SERGEF: variants seen among roughly 807,000 people sequenced by gnomAD.
SERGEF encodes secretion regulating guanine nucleotide exchange factor.
Under a neutral mutation model 50.0 loss-of-function variants are expected in SERGEF, and 51 were observed. The ratio of observed to expected loss-of-function variants is 1.02; its 90% CI spans 0.81 to 1.29. The LOEUF is 1.29. SERGEF is among the 50% of genes most tolerant of loss of function. The pLI, the probability that SERGEF is intolerant of heterozygous loss-of-function variation, is 0.00. For missense variants in SERGEF, 521 were observed against 557.0 expected, an observed-to-expected ratio of 0.94 and a Z score of 0.65; for synonymous variants, 205 against 212.4, an observed-to-expected ratio of 0.97 and a Z score of 0.30.
chr11:17,819,778 C>T (rs1267262322), intron 10 of SERGEF, among the ~76,000 whole-genome samples: 2 of 152,218 alleles, frequency 1.3e-5, no homozygotes, highest in Non-Finnish European at 2.9e-5. Context: ...CCTCACACAT[C>T]AAAGAACCAG....
chr11:17,897,324 C>A (rs1210393888), intron 9 of SERGEF, among the ~76,000 whole-genome samples: 1 of 152,166 alleles, frequency 6.6e-6, no homozygotes, highest in East Asian at 1.9e-4. Flanking sequence ...AGGTAAGAAT[C>A]CAGTCCAGCT....
intron 10 of SERGEF, among the ~76,000 whole-genome samples, chr11:17,796,959 G>C (rs1287648778): frequency 6.6e-6 from 1 of 152,168 alleles, no homozygotes; most frequent in East Asian, 1.9e-4. Context: ...AGGAGTAGAT[G>C]GGGGGTGAGG....
At chr11:17,972,927 C>T (rs1055131731) in intron 8 of SERGEF, among the ~76,000 whole-genome samples, 9 of 152,046 alleles carry the variant, frequency 5.9e-5, no homozygotes, top group Admixed American at 5.9e-4. Context: ...GAACTGCCAT[C>T]CCTAATTCTG....
intron 9 of SERGEF, among the ~76,000 whole-genome samples, chr11:17,958,964 G>T (rs866601721): frequency 7.9e-5 from 12 of 152,102 alleles, no homozygotes; most frequent in African/African-American, 2.4e-4. Context: ...TGCCTCCTGA[G>T]TTCAAGCAAT....
In SERGEF at chr11:17,988,714, G is replaced by T; in HGVS notation, c.727C>A (p.Gln243Lys). The stretch of plus-strand genomic sequence containing the variant: ...AGGAAAGCAGCCTCATTAGCCAGTT[G>T]CCCATGCTTGTTGCTTCCCCAAACA... ...VYVWGSNKHG[Q>K]LANEAAFLPV... Residue 243 changes from glutamine (Q) to lysine (K), a missense_variant, in exon 8 of 11, where the codon CAA (glutamine) becomes AAA (lysine). Physicochemically the swap from Gln to Lys is moderately conservative, Grantham distance 53. Transcript: ENST00000265965. 6.2e-7 allele frequency: 1 copy of T among 1,614,052 alleles called. No homozygotes were observed. Among genetic ancestry groups the T allele is most frequent in the Non-Finnish European group, 8.5e-7 (1 of 1,179,962 alleles).
At chr11:17,938,000 C>T (rs1049973794) in intron 9 of SERGEF, among the ~76,000 whole-genome samples, 1 of 152,188 alleles carries the variant, frequency 6.6e-6, no homozygotes, top group Non-Finnish European at 1.5e-5. Context: ...AGGGGAACAA[C>T]CCTAGCAGTC....
At chr11:17,941,470 C>T (rs890323709) in intron 9 of SERGEF, among the ~76,000 whole-genome samples, 4 of 152,270 alleles carry the variant, frequency 2.6e-5, no homozygotes, top group African/African-American at 9.6e-5. Context: ...GATTCCCTTC[C>T]TTTTTAAGAC....
intron 8 of SERGEF, among the ~76,000 whole-genome samples, chr11:17,987,807 T>C (rs767924343): frequency 6.6e-6 from 1 of 152,152 alleles, no homozygotes; most frequent in Admixed American, 6.5e-5. Context: ...TGTGTGTAGC[T>C]AGCAAGCAGG....
rs560011309 is a variant in SERGEF, at chr11:17,997,352, GCTA to G, written c.509-1446_509-1444del. Among the ~76,000 whole-genome samples, 13 of 152,292 alleles carry G rather than the reference GCTA, an allele frequency of 8.5e-5. 1 individual carries two copies. The South Asian group carries it at 2.7e-3, about 32-fold the overall frequency. Reference sequence around the variant, plus strand: ...GATATCACCTCATACACATTTTGATGCTACTATTTTTAAAAACCAGAAAATAAC... The same window carrying G: ...GATATCACCTCATACACATTTTGATGCTATTTTTAAAAACCAGAAAATAAC... On this transcript the variant is annotated intron_variant, in intron 5 of 10. Coordinates refer to ENST00000265965, the MANE Select transcript of SERGEF (RefSeq NM_012139.4).
intron 8 of SERGEF, among the ~76,000 whole-genome samples, chr11:17,966,888 T>C (rs1446486655): frequency 6.6e-6 from 1 of 152,350 alleles, no homozygotes; most frequent in East Asian, 1.9e-4. Flanking sequence ...AAAACTGCTT[T>C]AGGCACTATC....
intron 10 of SERGEF, chr11:17,855,187 A>G (rs999933534): frequency 6.6e-6 from 1 of 152,190 alleles, no homozygotes; most frequent in South Asian, 2.1e-4. Context: ...ACAACCTCAG[A>G]AGGCCTATAT....
At chr11:17,950,052 G>A (rs966010607) in intron 9 of SERGEF, among the ~76,000 whole-genome samples, 2 of 152,208 alleles carry the variant, frequency 1.3e-5, no homozygotes, top group Non-Finnish European at 2.9e-5. Context: ...CTGGTAGAAG[G>A]TGAGGCTGGG....
chr11:17,824,054 C>G (rs1236669791), intron 10 of SERGEF, among the ~76,000 whole-genome samples: 2 of 152,162 alleles, frequency 1.3e-5, no homozygotes, highest in African/African-American at 4.8e-5. Context: ...GTAATCCCAG[C>G]ACTTTGGGAG....
intron 1 of SERGEF, among the ~76,000 whole-genome samples, chr11:18,011,728 T>C (rs1385782667): frequency 2.6e-5 from 4 of 152,186 alleles, no homozygotes; most frequent in Non-Finnish European, 1.5e-5. Context: ...ACAATATTTC[T>C]GTTTCCTCTG....
chr11:17,949,954 C>T (rs1001233373), intron 9 of SERGEF, among the ~76,000 whole-genome samples: 1 of 152,144 alleles, frequency 6.6e-6, no homozygotes. Flanking sequence ...CAAAGGGAAG[C>T]AGAACCAGCA....
At chr11:17,837,823 C>T (rs1278564987) in intron 10 of SERGEF, among the ~76,000 whole-genome samples, 1 of 151,762 alleles carries the variant, frequency 6.6e-6, no homozygotes, top group African/African-American at 2.4e-5. Context: ...GCCACCACGC[C>T]CGGCTAATTT....
chr11:17,790,145 C>T (rs1849457037), intron 10 of SERGEF, among the ~76,000 whole-genome samples: 1 of 152,200 alleles, frequency 6.6e-6, no homozygotes, highest in African/African-American at 2.4e-5. Flanking sequence ...TAAAAAAAAT[C>T]TTAAAGATAC....
chr11:17,801,798 G>C (rs1849674302), intron 10 of SERGEF, among the ~76,000 whole-genome samples: 1 of 152,098 alleles, frequency 6.6e-6, no homozygotes, highest in Non-Finnish European at 1.5e-5. Flanking sequence ...GTGAGCAGCG[G>C]GCAGCTCAAG....
intron 10 of SERGEF, among the ~76,000 whole-genome samples, chr11:17,800,144 T>C (rs1018265959): frequency 2.0e-5 from 3 of 152,178 alleles, no homozygotes; most frequent in East Asian, 3.8e-4. Flanking sequence ...TAATATATAT[T>C]AATGAATTTT....
Sources: gnomAD v4.1 joint callset for allele counts (sites outside exome capture counted in the v4.1 genomes callset) on GRCh38, gnomAD v4.1.1 for gene constraint, MANE v1.5 for transcripts, NCBI Gene and HGNC (gene_info 2026-07-23, HGNC 2026-07-21) for gene names.